PTK2: variants seen among roughly 807,000 people sequenced by gnomAD.
PTK2 encodes focal adhesion kinase 1.
A neutral mutation model predicts 150.1 loss-of-function variants in PTK2; 45 were observed. That is an observed-to-expected ratio of 0.30 (90% confidence interval 0.24 to 0.38). The LOEUF (loss-of-function observed/expected upper bound fraction) is 0.38, where lower values mean the gene tolerates loss of function less well. Among genes scored for constraint, PTK2 ranks in the 10% least tolerant of loss-of-function variants. The probability of loss-of-function intolerance (pLI) is 1.00; values close to 1 mark genes in which losing one functional copy is unlikely to be tolerated. For missense variants in PTK2, 919 were observed against 1,307.3 expected, an observed-to-expected ratio of 0.70 and a Z score of 4.58; for synonymous variants, 432 against 449.2, an observed-to-expected ratio of 0.96 and a Z score of 0.48.
At chr8:140,839,030 A>G (rs1032417314) in intron 7 of PTK2, among the ~76,000 whole-genome samples, 2 of 151,926 alleles carry the variant, frequency 1.3e-5, no homozygotes, top group African/African-American at 4.8e-5. Flanking sequence ...AAAAAAACTT[A>G]TAAGTAAAAG....
intron 25 of PTK2, among the ~76,000 whole-genome samples, chr8:140,702,222 C>CTTTT (rs57156667): frequency 4.0e-4 from 50 of 123,764 alleles, no homozygotes; most frequent in African/African-American, 1.5e-3. Context: ...TATTTATTAC[C>CTTTT]TTTTTTTTTT....
At chr8:140,934,389 T>C (rs1462254509) in intron 1 of PTK2, 1 of 152,248 alleles carries the variant, frequency 6.6e-6, no homozygotes, top group Non-Finnish European at 1.5e-5. Flanking sequence ...CACTGCACTC[T>C]AGCATCCTGA....
At chr8:140,846,776 T>C (rs2100125767) in intron 5 of PTK2, 98 bp from the exon 6 acceptor site, 1 of 793,114 alleles carries the variant, frequency 1.3e-6, no homozygotes, top group Non-Finnish European at 2.0e-6. Context: ...TCATATAGTT[T>C]ACATTATGTC....
intron 27 of PTK2, among the ~76,000 whole-genome samples, chr8:140,680,675 G>T (rs76909412): frequency 0.019 from 2,901 of 152,154 alleles, 98 homozygotes; most frequent in African/African-American, 0.066. Context: ...TTTTCACACC[G>T]ATTCTCACTC....
rs998721578 is a variant in PTK2 at position 140,698,450 on chromosome 8, T to C, written c.2499+2441A>G. Among the ~76,000 whole-genome samples the C allele has an allele frequency of 5.9e-5, 9 of 152,126 alleles. No individual in the cohort carries two copies. The East Asian group carries it at 1.5e-3, about 26-fold the overall frequency. Reference sequence around the variant, plus strand: ...CACTCAGATTAGTGGTAGTAAATAATAACATATTTTTTCTTTTTTTCCAGA... The same window carrying C: ...CACTCAGATTAGTGGTAGTAAATAACAACATATTTTTTCTTTTTTTCCAGA... On this transcript the variant is annotated intron_variant, in intron 26 of 31. Transcript: ENST00000522684.
Position 140,890,526 on chromosome 8 carries a change from T to C in PTK2, c.195+17A>G, listed in dbSNP as rs1368338459. 2 of 1,595,352 alleles carry C rather than the reference T, an allele frequency of 1.3e-6. No individual in the cohort carries two copies. Among genetic ancestry groups the C allele is most frequent in the African/African-American group, 1.3e-5 (1 of 74,466 alleles). On this transcript the variant is annotated intron_variant, in intron 3 of 31. Coordinates refer to ENST00000522684, the Ensembl canonical transcript of PTK2. Reference sequence around the variant, plus strand: ...CTAAATAAACATTAAAGATGTCTCATGGAAAAACGTACTTACCCTGACATC... The same window carrying C: ...CTAAATAAACATTAAAGATGTCTCACGGAAAAACGTACTTACCCTGACATC...
chr8:140,697,933 G>A (rs1442600189), intron 26 of PTK2, among the ~76,000 whole-genome samples: 1 of 124,042 alleles, frequency 8.1e-6, no homozygotes, highest in African/African-American at 3.1e-5. Flanking sequence ...AGACTTAAGC[G>A]ATCTCCCTGC....
intron 17 of PTK2, among the ~76,000 whole-genome samples, chr8:140,750,961 A>G (rs2100062282): frequency 6.6e-6 from 1 of 152,098 alleles, no homozygotes; most frequent in African/African-American, 2.4e-5. Context: ...CAAAAATACA[A>G]AAAATTAGCT....
chr8:140,896,102 G>C (rs2100156123), intron 2 of PTK2, among the ~76,000 whole-genome samples: 1 of 152,086 alleles, frequency 6.6e-6, no homozygotes, highest in Admixed American at 6.6e-5. Context: ...TGAAAATTTA[G>C]ATAAGCACAA....
At chr8:140,747,312 A>T (rs936310381) in intron 17 of PTK2, 2 of 158,112 alleles carry the variant, frequency 1.3e-5, no homozygotes, top group African/African-American at 4.9e-5. Context: ...AAATGGGCAT[A>T]AATTGGCACA....
rs1399411966 is a variant in PTK2, at chr8:140,671,857, G to A, written c.2709+2441C>T. Among the ~76,000 whole-genome samples, 7 of 149,440 alleles carry A rather than the reference G, an allele frequency of 4.7e-5. No individual in the cohort carries two copies. In the East Asian group the frequency reaches 7.9e-4, roughly 17 times the overall value. On this transcript the variant is annotated intron_variant, in intron 29 of 31. Transcript: ENST00000522684. ...TGAGGCAGGAGAATGGCGTGAACCCGGGAGGCGGAGCTTGCAGTGAGCCAA... is the reference window on the plus strand; with the variant it reads ...TGAGGCAGGAGAATGGCGTGAACCCAGGAGGCGGAGCTTGCAGTGAGCCAA...
Position 140,767,376 on chromosome 8 carries a change from G to C in PTK2, c.1178-3086C>G, listed in dbSNP as rs1433198808. 7.2e-5 allele frequency among the ~76,000 whole-genome samples: 11 copies of C among 152,100 alleles called. No individual in the cohort carries two copies. In the East Asian group the frequency reaches 2.1e-3, roughly 29 times the overall value. ...TGTGTACTATGATGCAATGTGAATA[G>C]AGAATTCATGGAGTAAAATCAACAA... On this transcript the variant is annotated intron_variant, in intron 14 of 31. Coordinates refer to ENST00000522684, the Ensembl canonical transcript of PTK2.
intron 27 of PTK2, among the ~76,000 whole-genome samples, chr8:140,679,352 T>C (rs892337259): frequency 3.3e-5 from 5 of 152,074 alleles, no homozygotes; most frequent in Non-Finnish European, 7.4e-5. Flanking sequence ...GGTTTAAAAA[T>C]ACAAAGAACT....
At chr8:140,769,430 A>G (rs1268696420) in intron 14 of PTK2, 145 bp downstream of exon 16, 1 of 315,050 alleles carries the variant, frequency 3.2e-6, no homozygotes, top group Non-Finnish European at 5.2e-6. Flanking sequence ...AGCCCTAAGC[A>G]ATTTTTAAAA....
chr8:140,808,122 A>C (rs1456096012), intron 10 of PTK2, among the ~76,000 whole-genome samples: 1 of 152,214 alleles, frequency 6.6e-6, no homozygotes, highest in Non-Finnish European at 1.5e-5. Context: ...GGGCTAAAAG[A>C]GGGGATTTTA....
At chr8:140,965,704 C>A (rs1241173759) in intron 1 of PTK2, among the ~76,000 whole-genome samples, 1 of 152,118 alleles carries the variant, frequency 6.6e-6, no homozygotes, top group East Asian at 1.9e-4. Context: ...TGGCAAAACC[C>A]CGTCTCTACT....
chr8:140,858,952 C>T (rs371061423), intron 5 of PTK2, among the ~76,000 whole-genome samples: 9 of 152,276 alleles, frequency 5.9e-5, no homozygotes, highest in Middle Eastern at 3.4e-3. Flanking sequence ...ATTAAATCCA[C>T]GGATGATCAC....
chr8:140,916,073 T>C (rs2100165161), intron 2 of PTK2, among the ~76,000 whole-genome samples: 1 of 152,160 alleles, frequency 6.6e-6, no homozygotes, highest in Non-Finnish European at 1.5e-5. Context: ...CTGCCTTATG[T>C]TTGTGGATGA....
intron 1 of PTK2, among the ~76,000 whole-genome samples, chr8:140,963,756 A>C (rs982581250): frequency 1.4e-4 from 21 of 152,180 alleles, no homozygotes; most frequent in African/African-American, 5.1e-4. Flanking sequence ...TATCTGGGGC[A>C]TCAAAGCATA....
Sources: gnomAD v4.1 joint callset for allele counts (sites outside exome capture counted in the v4.1 genomes callset) on GRCh38, gnomAD v4.1.1 for gene constraint, MANE v1.5 for transcripts, NCBI Gene and HGNC (gene_info 2026-07-23, HGNC 2026-07-21) for gene names.